Variants in TNRC6B observed in about 807,000 individuals in gnomAD.
TNRC6B encodes trinucleotide repeat-containing gene 6B protein.
Under a neutral mutation model 203.6 loss-of-function variants are expected in TNRC6B, and 52 were observed. The observed-to-expected ratio is 0.26, with a 90% confidence interval of 0.20 to 0.32. The LOEUF (loss-of-function observed/expected upper bound fraction) is 0.32, where lower values mean the gene tolerates loss of function less well. TNRC6B is among the 10% of genes least tolerant of loss of function. The pLI, the probability that TNRC6B is intolerant of heterozygous loss-of-function variation, is 1.00. For missense variants in TNRC6B, 1,923 were observed against 2,286.2 expected (o/e 0.84, Z 3.24); for synonymous variants, 838 against 845.7 (o/e 0.99, Z 0.16).
intron 3 of TNRC6B, among the ~76,000 whole-genome samples, chr22:40,132,005 C>T (rs2068549233): frequency 6.6e-6 from 1 of 152,156 alleles, no homozygotes; most frequent in South Asian, 2.1e-4. Flanking sequence ...AACAGAGTTA[C>T]CCATGGATCT....
chr22:40,285,535 C>T (rs1226972053), intron 11 of TNRC6B, 110 bp from the exon 12 acceptor site: 2 of 1,311,724 alleles, frequency 1.5e-6, no homozygotes, highest in African/African-American at 3.0e-5. Context: ...TCTGTTATTC[C>T]ATCGAACACA....
At position 40,106,984 on chromosome 22, in the gene TNRC6B, C is replaced by A. The variant is rs1489132408; in HGVS notation, c.-120-10071C>A. ...TCTTTCTCAGGCGCTTGATCTTCAG[C>A]TCTGCAAAATTCCTTCACTTTTTTC... On this transcript the variant is annotated intron_variant, in intron 1 of 23. Transcript: ENST00000301923. 1.8e-5 allele frequency: 22 copies of A among 1,193,924 alleles called. No individual in the cohort carries two copies. The South Asian group carries it at 2.1e-4, about 11-fold the overall frequency. 74.0% of individuals were successfully genotyped at this position (1,193,924 alleles called of 1,614,324 possible). A position where few individuals can be genotyped will look rare whatever the true frequency, so the allele number is the denominator to read the frequency against.
chr22:40,055,020 G>A (rs1256887714), intron 1 of TNRC6B, among the ~76,000 whole-genome samples: 2 of 152,168 alleles, frequency 1.3e-5, no homozygotes, highest in African/African-American at 4.8e-5. Context: ...CTGGGTGACA[G>A]AACAAGACTC....
At chr22:40,277,822 C>G (rs534382378) in intron 8 of TNRC6B, among the ~76,000 whole-genome samples, 177 bp from the exon 9 acceptor site, 2 of 152,288 alleles carry the variant, frequency 1.3e-5, no homozygotes, top group South Asian at 4.1e-4. Flanking sequence ...AATATAGGCC[C>G]AAACAGCAAT....
chr22:40,100,954 G>A (rs2068234872), intron 1 of TNRC6B, among the ~76,000 whole-genome samples: 1 of 151,622 alleles, frequency 6.6e-6, no homozygotes, highest in Non-Finnish European at 1.5e-5. Context: ...AGGTCCCCAA[G>A]TTCTCTCCTC....
chr22:40,264,028 A>G (rs2070430785), intron 4 of TNRC6B, among the ~76,000 whole-genome samples: 1 of 152,248 alleles, frequency 6.6e-6, no homozygotes, highest in African/African-American at 2.4e-5. Context: ...AGCTTCGCAG[A>G]TGAAATGACA....
At chr22:40,045,302 G>C (rs1407247901) in intron 1 of TNRC6B, among the ~76,000 whole-genome samples, 1 of 147,186 alleles carries the variant, frequency 6.8e-6, no homozygotes, top group Non-Finnish European at 1.5e-5. Context: ...GGCGACGTCC[G>C]GCGCGCGGGC....
In TNRC6B at chr22:40,178,068, G is replaced by A; in HGVS notation, c.-68G>A. The A allele has an allele frequency of 6.3e-7, 1 of 1,593,184 alleles. No individual in the cohort carries two copies. The highest frequency in any genetic ancestry group is 8.5e-7 in the Non-Finnish European group (1 of 1,173,310). Reference sequence around the variant, plus strand: ...ATAGACAAAAAGAATTCATTTTTTGGACCTTTTTTCATTTCCATTTCTACC... The same window carrying A: ...ATAGACAAAAAGAATTCATTTTTTGAACCTTTTTTCATTTCCATTTCTACC... On this transcript the variant is annotated 5_prime_UTR_variant, in exon 1 of 23. Transcript: ENST00000454349.
At position 40,273,525 on chromosome 22, in the gene TNRC6B, C is replaced by T; in HGVS notation, c.3066C>T (p.Asn1022=). 6.3e-7 allele frequency: 1 copy of T among 1,598,272 alleles called. No individual in the cohort carries two copies. Among genetic ancestry groups the T allele is most frequent in the Non-Finnish European group, 8.5e-7 (1 of 1,172,232 alleles). Residue 1022 remains asparagine, a synonymous_variant, in exon 7 of 23, where the codon AAC becomes AAT. Coordinates refer to ENST00000454349, the MANE Select transcript of TNRC6B (RefSeq NM_001162501.2). ...WEEEEDGGVW[N]TTGSQGSASS... ...AGGAGGAGGATGGAGGAGTCTGGAA[C>T]ACCACTGGCTCTCAGGGCAGTGCTT...
intron 1 of TNRC6B, among the ~76,000 whole-genome samples, chr22:40,085,352 T>A (rs1194345952): frequency 6.6e-6 from 1 of 152,240 alleles, no homozygotes; most frequent in Non-Finnish European, 1.5e-5. Context: ...TCAGAGACTT[T>A]AAAAATTTGT....
In TNRC6B at chr22:40,230,587, C is replaced by T. The variant is rs145383945; in HGVS notation, c.6-15428C>T. Among the ~76,000 whole-genome samples the T allele has an allele frequency of 2.6e-3, 389 of 152,182 alleles. 3 individuals carry two copies. Among genetic ancestry groups the T allele is most frequent in the African/African-American group, 8.0e-3 (334 of 41,496 alleles). On this transcript the variant is annotated intron_variant, in intron 1 of 22. Coordinates refer to ENST00000454349, the MANE Select transcript of TNRC6B (RefSeq NM_001162501.2). ...GATTACAAGTGTGAGCCACCATGCC[C>T]GGCCTCTTTTGCCCGGTTTTAAGAT...
chr22:40,298,964 T>A (rs1185370783), intron 12 of TNRC6B, among the ~76,000 whole-genome samples: 1 of 149,662 alleles, frequency 6.7e-6, no homozygotes, highest in African/African-American at 2.5e-5. Context: ...AGACTCCGTC[T>A]CAAAAAAAAA....
At chr22:40,233,451 G>A (rs954609750) in intron 1 of TNRC6B, among the ~76,000 whole-genome samples, 4 of 151,808 alleles carry the variant, frequency 2.6e-5, no homozygotes, top group Non-Finnish European at 4.4e-5. Flanking sequence ...GCAAAACCCC[G>A]TCTCTACTAA....
intron 1 of TNRC6B, among the ~76,000 whole-genome samples, chr22:40,093,976 GA>G (rs2068168371): frequency 6.6e-6 from 1 of 151,988 alleles, no homozygotes; most frequent in Admixed American, 6.6e-5. Context: ...TTCTAACAAA[GA>G]AATTATAAAT....
chr22:40,109,999 CTGGTTAAT>C (rs1290969749), intron 1 of TNRC6B, among the ~76,000 whole-genome samples: 1 of 152,158 alleles, frequency 6.6e-6, no homozygotes, highest in Non-Finnish European at 1.5e-5. Context: ...GTTCAACTCA[CTGGTTAAT>C]TGGAGAAGCA....
intron 1 of TNRC6B, among the ~76,000 whole-genome samples, chr22:40,112,338 G>T (rs139890845): frequency 6.6e-6 from 1 of 152,166 alleles, no homozygotes; most frequent in African/African-American, 2.4e-5. Flanking sequence ...AGTTCAATCC[G>T]TGAAGCCAAG....
chr22:40,274,997 C>T (rs1569049556), intron 7 of TNRC6B, among the ~76,000 whole-genome samples: 1 of 152,212 alleles, frequency 6.6e-6, no homozygotes, highest in Non-Finnish European at 1.5e-5. Flanking sequence ...AGCTAATATT[C>T]TCCCACGTTT....
At position 40,317,077 on chromosome 22, in the gene TNRC6B, A is replaced by G. The variant is rs148960633; in HGVS notation, c.4974+1065A>G. On this transcript the variant is annotated intron_variant, in intron 21 of 22. Coordinates refer to ENST00000454349, the MANE Select transcript of TNRC6B (RefSeq NM_001162501.2). The stretch of plus-strand genomic sequence containing the variant: ...TACCTGTTTCTGTGTTAATCCTCCA[A>G]GAAGACCTGAACCTATACTTCCTAT... Among the ~76,000 whole-genome samples the G allele has an allele frequency of 4.0e-3, 611 of 152,336 alleles. 5 individuals carry two copies. Among genetic ancestry groups the G allele is most frequent in the African/African-American group, 0.013 (552 of 41,576 alleles).
chr22:40,300,678 T>A, intron 13 of TNRC6B, 92 bp downstream of exon 13: 1 of 1,482,586 alleles, frequency 6.7e-7, no homozygotes, highest in Non-Finnish European at 9.1e-7. Flanking sequence ...TTTGCCACTT[T>A]CTATGTTCAA....
Sources: gnomAD v4.1 joint callset for allele counts (sites outside exome capture counted in the v4.1 genomes callset) on GRCh38, gnomAD v4.1.1 for gene constraint, MANE v1.5 for transcripts, NCBI Gene and HGNC (gene_info 2026-07-23, HGNC 2026-07-21) for gene names.